Variants in ZRANB1 observed in about 807,000 individuals in gnomAD.
ZRANB1 encodes zinc finger RANBP2-type containing 1, also known as ubiquitin thioesterase ZRANB1.
A neutral mutation model predicts 80.5 loss-of-function variants in ZRANB1; 16 were observed. The observed-to-expected ratio is 0.20, with a 90% CI of 0.13 to 0.30. The LOEUF is 0.30. Ranked by LOEUF, ZRANB1 falls within the 10% of genes least tolerant of loss-of-function variation. The probability of loss-of-function intolerance (pLI) is 1.00; values close to 1 mark genes in which losing one functional copy is unlikely to be tolerated. For missense variants in ZRANB1, 576 were observed against 862.6 expected (o/e 0.67, Z 4.16); for synonymous variants, 291 against 293.1 (o/e 0.99, Z 0.07).
intron 3 of ZRANB1, 28 bp downstream of exon 3, chr10:124,972,146 CTT>C (rs748201700): frequency 1.3e-6 from 2 of 1,598,518 alleles, no homozygotes; most frequent in South Asian, 2.3e-5. Flanking sequence ...CGTAAAAAGA[CTT>C]TTTTATTTTA....
chr10:124,944,052 T>C (rs891087519), intron 1 of ZRANB1, among the ~76,000 whole-genome samples: 2 of 152,236 alleles, frequency 1.3e-5, no homozygotes, highest in Non-Finnish European at 1.5e-5. Flanking sequence ...ATGGTTCATA[T>C]GTATTGTGAC....
the ZRANB1 span, among the ~76,000 whole-genome samples, chr10:124,935,835 C>G: frequency 6.6e-6 from 1 of 152,124 alleles, no homozygotes; most frequent in African/African-American, 2.4e-5. Flanking sequence ...TTTTTGAAAG[C>G]CTGGCTGTTT....
chr10:124,940,549 TA>T (rs1458483448), upstream of ZRANB1: 1 of 1,288,674 alleles, frequency 7.8e-7, no homozygotes, highest in African/African-American at 1.5e-5. Context: ...AAAATCTTAG[TA>T]AGTGTGGTTT....
At chr10:124,944,337 T>C (rs1358018989) in intron 1 of ZRANB1, among the ~76,000 whole-genome samples, 1 of 152,214 alleles carries the variant, frequency 6.6e-6, no homozygotes, top group African/African-American at 2.4e-5. Flanking sequence ...ATACCTTAGC[T>C]GTATGTTTTC....
chr10:124,963,529 A>C (rs1476394007), intron 1 of ZRANB1, among the ~76,000 whole-genome samples: 1 of 89,676 alleles, frequency 1.1e-5, no homozygotes, highest in African/African-American at 4.0e-5. Flanking sequence ...GAACTCAGAT[A>C]TTGTAAGGTT....
chr10:124,980,960 T>G (rs1442243764), intron 5 of ZRANB1, among the ~76,000 whole-genome samples: 1 of 152,210 alleles, frequency 6.6e-6, no homozygotes, highest in African/African-American at 2.4e-5. Flanking sequence ...CAGATTGGTC[T>G]TTTGTTTCTT....
chr10:124,979,161 C>T (rs917143943), intron 5 of ZRANB1, among the ~76,000 whole-genome samples: 1 of 152,148 alleles, frequency 6.6e-6, no homozygotes, highest in Non-Finnish European at 1.5e-5. Flanking sequence ...CTGATAGCAA[C>T]GAAAAATGTT....
chr10:124,944,736 C>G (rs1219242396), intron 1 of ZRANB1, among the ~76,000 whole-genome samples: 1 of 152,096 alleles, frequency 6.6e-6, no homozygotes, highest in Non-Finnish European at 1.5e-5. Context: ...TCAAGCGATT[C>G]TCCCACCTCA....
chr10:124,973,412 C>G (rs1185834726), intron 3 of ZRANB1, among the ~76,000 whole-genome samples: 1 of 152,218 alleles, frequency 6.6e-6, no homozygotes, highest in Admixed American at 6.5e-5. Flanking sequence ...TGGCCTCAGC[C>G]TCCCAAAGTG....
chr10:124,953,646 C>T (rs1951661732), intron 1 of ZRANB1, among the ~76,000 whole-genome samples: 1 of 152,178 alleles, frequency 6.6e-6, no homozygotes, highest in African/African-American at 2.4e-5. Flanking sequence ...TTGCTCTGCT[C>T]ATGTTGGCCT....
At chr10:124,969,175 A>G (rs1951800092) in intron 2 of ZRANB1, among the ~76,000 whole-genome samples, 1 of 152,226 alleles carries the variant, frequency 6.6e-6, no homozygotes, top group Non-Finnish European at 1.5e-5. Context: ...CACAGAGTAC[A>G]AGAGAGTGAT....
chr10:124,955,661 G>T (rs894463153), intron 1 of ZRANB1, among the ~76,000 whole-genome samples: 6 of 152,160 alleles, frequency 3.9e-5, no homozygotes, highest in Non-Finnish European at 8.8e-5. Flanking sequence ...TTAGCAACAT[G>T]AAATAAGTAT....
At chr10:124,922,860 A>G in the ZRANB1 span, among the ~76,000 whole-genome samples, 1 of 152,146 alleles carries the variant, frequency 6.6e-6, no homozygotes, top group Non-Finnish European at 1.5e-5. Context: ...TTAGTAATGA[A>G]AAAAATAAAC....
At chr10:124,957,392 A>G (rs531157526) in intron 1 of ZRANB1, among the ~76,000 whole-genome samples, 10 of 151,868 alleles carry the variant, frequency 6.6e-5, no homozygotes, top group African/African-American at 2.4e-4. Context: ...TTTGCAATTT[A>G]TTTTGAGGTA....
chr10:124,967,909 T>C (rs890638691), intron 2 of ZRANB1, among the ~76,000 whole-genome samples: 10 of 152,122 alleles, frequency 6.6e-5, no homozygotes, highest in East Asian at 3.8e-4. Flanking sequence ...TTCTTTCTTT[T>C]TTTTTTTAAG....
At chr10:124,933,559 T>G in the ZRANB1 span, among the ~76,000 whole-genome samples, 2 of 152,224 alleles carry the variant, frequency 1.3e-5, no homozygotes, top group Non-Finnish European at 2.9e-5. Context: ...CCATACATGT[T>G]TAAGAAAACT....
intron 2 of ZRANB1, among the ~76,000 whole-genome samples, chr10:124,969,536 C>T (rs1951803454): frequency 6.6e-6 from 1 of 152,086 alleles, no homozygotes; most frequent in Non-Finnish European, 1.5e-5. Context: ...GAATTTTCAT[C>T]GGTTTCTGTG....
At chr10:124,957,807 CCCTCTG>C (rs1487130818) in intron 1 of ZRANB1, among the ~76,000 whole-genome samples, 1 of 151,836 alleles carries the variant, frequency 6.6e-6, no homozygotes, top group Non-Finnish European at 1.5e-5. Context: ...GCTTGCTGCA[CCCTCTG>C]CCTCCCAGGT....
upstream of ZRANB1, among the ~76,000 whole-genome samples, chr10:124,940,735 G>A (rs1951528014): frequency 6.6e-6 from 1 of 152,098 alleles, no homozygotes; most frequent in African/African-American, 2.4e-5. Context: ...TAGCACTTTG[G>A]GAGGTCGAGG....
Sources: allele counts gnomAD v4.1 joint callset (sites outside exome capture counted in the v4.1 genomes callset), GRCh38; gene constraint gnomAD v4.1.1; transcripts MANE v1.5; gene names NCBI Gene and HGNC (gene_info 2026-07-23, HGNC 2026-07-21).